SPAG16: variants seen among roughly 807,000 people sequenced by gnomAD.
SPAG16 encodes sperm-associated antigen 16 protein.
Under a neutral mutation model 80.4 loss-of-function variants are expected in SPAG16, and 86 were observed. The ratio of observed to expected loss-of-function variants is 1.07; its 90% CI spans 0.90 to 1.28. The LOEUF (loss-of-function observed/expected upper bound fraction) is 1.28. Ranked by LOEUF, SPAG16 falls within the 50% of genes most tolerant of loss-of-function variation. SPAG16 has a pLI of 0.00. For missense variants in SPAG16, 870 were observed against 765.3 expected (o/e 1.14, Z -1.61); for synonymous variants, 294 against 265.9 (o/e 1.11, Z -1.03).
chr2:213,834,835 T>G (rs1255328980), intron 10 of SPAG16, among the ~76,000 whole-genome samples: 2 of 152,144 alleles, frequency 1.3e-5, no homozygotes, highest in Non-Finnish European at 2.9e-5. Flanking sequence ...GGAATCATAT[T>G]CTGTTTGCCT....
intron 14 of SPAG16, among the ~76,000 whole-genome samples, chr2:214,114,877 G>A (rs982959191): frequency 7.9e-5 from 12 of 152,154 alleles, no homozygotes; most frequent in South Asian, 2.1e-4. Context: ...GAAATCACCC[G>A]TCTTCTGCAT....
intron 10 of SPAG16, among the ~76,000 whole-genome samples, chr2:213,807,359 C>G (rs1473951315): frequency 6.6e-6 from 1 of 151,984 alleles, no homozygotes; most frequent in Non-Finnish European, 1.5e-5. Flanking sequence ...CTCAACATTT[C>G]CCTACATAGT....
chr2:213,644,326 G>C (rs2062738737), intron 10 of SPAG16, among the ~76,000 whole-genome samples: 1 of 151,966 alleles, frequency 6.6e-6, no homozygotes, highest in Non-Finnish European at 1.5e-5. Flanking sequence ...ACATTTCTCT[G>C]TTTTTCCAGG....
intron 5 of SPAG16, among the ~76,000 whole-genome samples, chr2:213,339,071 A>G (rs1277449187): frequency 6.6e-6 from 1 of 152,102 alleles, no homozygotes; most frequent in African/African-American, 2.4e-5. Flanking sequence ...AGAATGGATC[A>G]GAGACCTTGC....
rs930238789 is a variant in SPAG16, at chr2:213,936,474, G to A, written c.1400+6329G>A. Among the ~76,000 whole-genome samples the A allele has an allele frequency of 2.0e-5, 3 of 152,072 alleles. No individual in the cohort carries two copies. The East Asian group carries it at 5.8e-4, about 29-fold the overall frequency. Reference sequence around the variant, plus strand: ...GAGGTGGGGTGAAAGCTTAAAAGCAGGTAAAAGCAGAAAGACCAATTGGGG... The same window carrying A: ...GAGGTGGGGTGAAAGCTTAAAAGCAAGTAAAAGCAGAAAGACCAATTGGGG... On this transcript the variant is annotated intron_variant, in intron 12 of 15. Coordinates refer to ENST00000331683, the MANE Select transcript of SPAG16 (RefSeq NM_024532.5).
intron 11 of SPAG16, among the ~76,000 whole-genome samples, chr2:213,902,705 C>T (rs1001122817): frequency 6.6e-6 from 1 of 152,164 alleles, no homozygotes; most frequent in Admixed American, 6.5e-5. Context: ...ACCAATCATG[C>T]CTTCTCAACA....
chr2:213,573,005 G>A (rs906939828), intron 10 of SPAG16, among the ~76,000 whole-genome samples: 3 of 152,072 alleles, frequency 2.0e-5, no homozygotes, highest in Non-Finnish European at 4.4e-5. Flanking sequence ...GATTTTCCAG[G>A]TGCGTCCATC....
At chr2:213,938,119 A>T (rs531573384) in intron 12 of SPAG16, among the ~76,000 whole-genome samples, 2 of 151,964 alleles carry the variant, frequency 1.3e-5, no homozygotes, top group African/African-American at 2.4e-5. Flanking sequence ...ATATATATAT[A>T]TTTTATAACA....
chr2:213,702,945 A>T (rs2065550023), intron 10 of SPAG16, among the ~76,000 whole-genome samples: 1 of 152,134 alleles, frequency 6.6e-6, no homozygotes, highest in South Asian at 2.1e-4. Context: ...GTGTTCATCC[A>T]CGCGCTCTAC....
At chr2:214,342,486 G>A (rs1343127685) in intron 15 of SPAG16, among the ~76,000 whole-genome samples, 3 of 152,108 alleles carry the variant, frequency 2.0e-5, no homozygotes, top group African/African-American at 4.8e-5. Context: ...CCTAGGTTGT[G>A]TGCTCCTTAG....
At chr2:214,180,078 C>CA (rs2057263384) in intron 15 of SPAG16, among the ~76,000 whole-genome samples, 1 of 151,556 alleles carries the variant, frequency 6.6e-6, no homozygotes, top group South Asian at 2.1e-4. Flanking sequence ...CCCTCCTTCC[C>CA]ATTTCATGAC....
chr2:214,055,340 C>T (rs1042385203), intron 13 of SPAG16, among the ~76,000 whole-genome samples: 2 of 152,024 alleles, frequency 1.3e-5, no homozygotes, highest in Non-Finnish European at 2.9e-5. Context: ...TCGAATAGCC[C>T]ATTTTGCATT....
At chr2:213,326,791 A>G (rs953061055) in intron 5 of SPAG16, among the ~76,000 whole-genome samples, 1 of 152,056 alleles carries the variant, frequency 6.6e-6, no homozygotes, top group East Asian at 1.9e-4. Context: ...AGATAATCCA[A>G]TAAACTCATT....
At chr2:214,145,220 T>C (rs1003595545) in intron 14 of SPAG16, among the ~76,000 whole-genome samples, 2 of 152,108 alleles carry the variant, frequency 1.3e-5, no homozygotes, top group African/African-American at 2.4e-5. Context: ...TGCAGAGAGA[T>C]AGTAGTTCAG....
At chr2:213,597,431 A>G (rs2060919836) in intron 10 of SPAG16, among the ~76,000 whole-genome samples, 1 of 152,130 alleles carries the variant, frequency 6.6e-6, no homozygotes, top group Admixed American at 6.5e-5. Context: ...CAGTTCTACA[A>G]ACAACAACAT....
At chr2:214,060,661 A>T (rs1242635095) in intron 13 of SPAG16, among the ~76,000 whole-genome samples, 2 of 152,258 alleles carry the variant, frequency 1.3e-5, no homozygotes, top group Admixed American at 6.5e-5. Context: ...AATATTTAGC[A>T]CTGTAAAGAG....
chr2:213,927,733 A>G (rs1184916549), intron 11 of SPAG16, among the ~76,000 whole-genome samples: 1 of 152,188 alleles, frequency 6.6e-6, no homozygotes, highest in Admixed American at 6.5e-5. Context: ...CACATGGTTT[A>G]AAACACAAAA....
chr2:214,089,750 A>G (rs16851437), intron 13 of SPAG16, among the ~76,000 whole-genome samples: 2 of 151,964 alleles, frequency 1.3e-5, no homozygotes, highest in Non-Finnish European at 2.9e-5. Flanking sequence ...CCATTCTCTG[A>G]GGTTCTCTAA....
At chr2:213,775,567 T>A (rs969351106) in intron 10 of SPAG16, among the ~76,000 whole-genome samples, 1 of 152,218 alleles carries the variant, frequency 6.6e-6, no homozygotes, top group African/African-American at 2.4e-5. Context: ...GTATAGTAGA[T>A]CTTCAGGACT....
Sources: allele counts gnomAD v4.1 joint callset (sites outside exome capture counted in the v4.1 genomes callset), GRCh38; gene constraint gnomAD v4.1.1; transcripts MANE v1.5; gene names NCBI Gene and HGNC (gene_info 2026-07-23, HGNC 2026-07-21).